The following LRP5 variants were observed in gnomAD, a reference collection of about 807,000 sequenced individuals.
The protein encoded by LRP5 is low-density lipoprotein receptor-related protein 5.
Under a neutral mutation model 154.1 loss-of-function variants are expected in LRP5, and 62 were observed. The ratio of observed to expected loss-of-function variants is 0.40; its 90% CI spans 0.33 to 0.50. The LOEUF (loss-of-function observed/expected upper bound fraction) is 0.50, where lower values mean the gene tolerates loss of function less well. Ranked by LOEUF, LRP5 falls within the 20% of genes least tolerant of loss-of-function variation. LRP5 has a pLI of 0.55. For synonymous variants in LRP5, 966 were observed against 1,011.5 expected (o/e 0.96, Z 0.85); for missense variants, 1,915 against 2,336.7 (o/e 0.82, Z 3.72).
In LRP5 at chr11:68,426,135, C is replaced by T. The variant is rs1295065410; in HGVS notation, c.3585C>T (p.Val1195=). 8 of 1,612,910 alleles carry T rather than the reference C, an allele frequency of 5.0e-6. No individual in the cohort carries two copies. Among genetic ancestry groups the T allele is most frequent in the African/African-American group, 2.7e-5 (2 of 74,934 alleles). ...AGCGGACTCGCATCCAGGGCCGTGT[C>T]GCCCACCTCACTGGCATCCATGCAG... ...GDKRTRIQGR[V]AHLTGIHAVE... is the part of the protein sequence containing the mutation. The change falls in exon 16 of 23, where the codon GTC becomes GTT. Residue 1195 remains valine (V), a synonymous_variant. Coordinates refer to ENST00000294304, the MANE Select transcript of LRP5 (RefSeq NM_002335.4).
chr11:68,413,341 G>T lies in LRP5; in HGVS notation c.2504-348G>T. 1 of 438,050 alleles carries T rather than the reference G, an allele frequency of 2.3e-6. No individual in the cohort carries two copies. 27.1% of individuals were successfully genotyped at this position (438,050 alleles called of 1,614,324 possible). The stretch of plus-strand genomic sequence containing the variant: ...GACTTAAACGCTCCGGATGTTTACT[G>T]AGTGCTTGATTAATAACATGGAAGG... On this transcript the variant is annotated intron_variant, in intron 11 of 22. Transcript: ENST00000294304. This position sits in a 1 kb window ranked among gnomAD's most constrained non-coding sequence, Gnocchi z 5.1.
At chr11:68,337,792 A>G (rs2098606534) in intron 1 of LRP5, among the ~76,000 whole-genome samples, 1 of 151,202 alleles carries the variant, frequency 6.6e-6, no homozygotes. Flanking sequence ...TGGTCCACCA[A>G]CAGCCAGGTG....
At position 68,403,478 on chromosome 11, in the gene LRP5, T is replaced by C. The variant is rs2098653800; in HGVS notation, c.1585-5T>C. On this transcript the variant is annotated splice_region_variant and splice_polypyrimidine_tract_variant and intron_variant, in intron 7 of 22. Transcript: ENST00000294304. ...ATCCAGACCTATATTTCTGCCGTCC[T>C]GCAGGTGATCAATGTTGATGGGACG... 1.2e-6 allele frequency: 2 copies of C among 1,613,676 alleles called. No individual in the cohort carries two copies. Among genetic ancestry groups the C allele is most frequent in the African/African-American group, 1.3e-5 (1 of 74,918 alleles).
At chr11:68,304,233 T>A in the LRP5 span, among the ~76,000 whole-genome samples, 1 of 152,244 alleles carries the variant, frequency 6.6e-6, no homozygotes, top group East Asian at 1.9e-4. Flanking sequence ...GCATCTAGAC[T>A]GTTCCAGCTC....
At chr11:68,332,819 G>A (rs2153120366) in intron 1 of LRP5, among the ~76,000 whole-genome samples, 1 of 152,250 alleles carries the variant, frequency 6.6e-6, no homozygotes, top group South Asian at 2.1e-4. Context: ...GATGTTGGGG[G>A]AATTGGTGGG....
chr11:68,442,966 C>T (rs1396916802), intron 21 of LRP5, among the ~76,000 whole-genome samples: 1 of 152,104 alleles, frequency 6.6e-6, no homozygotes, highest in Non-Finnish European at 1.5e-5. Flanking sequence ...GGCTGGGCCC[C>T]CACTGGAGGG....
chr11:68,428,240 G>A (rs761152148), intron 16 of LRP5, among the ~76,000 whole-genome samples: 4 of 151,802 alleles, frequency 2.6e-5, no homozygotes, highest in Non-Finnish European at 5.9e-5. Flanking sequence ...GGTGATCCAC[G>A]CACCTCGGCC....
chr11:68,400,558 T>A (rs903603088), intron 7 of LRP5, among the ~76,000 whole-genome samples: 2 of 56,058 alleles, frequency 3.6e-5, no homozygotes, highest in African/African-American at 8.5e-5. Flanking sequence ...CCGTCTCTAC[T>A]AAAAATAAAT....
chr11:68,411,735 G>C, intron 11 of LRP5, 115 bp downstream of exon 11: 2 of 1,157,378 alleles, frequency 1.7e-6, no homozygotes, highest in Non-Finnish European at 1.2e-6. Context: ...CCTGGCAGGA[G>C]CTGTGGCCAC....
intron 1 of LRP5, among the ~76,000 whole-genome samples, chr11:68,331,743 C>CTGTG (rs60278908): frequency 4.1e-5 from 6 of 148,146 alleles, no homozygotes; most frequent in African/African-American, 5.0e-5. Flanking sequence ...TTCCTCTGGG[C>CTGTG]TGTGTGTGTG....
intron 1 of LRP5, among the ~76,000 whole-genome samples, chr11:68,318,885 G>C (rs907885383): frequency 5.3e-5 from 8 of 152,148 alleles, no homozygotes; most frequent in Non-Finnish European, 8.8e-5. Context: ...CCTTCTGAGG[G>C]CCTCAGTTTC....
At chr11:68,331,551 G>A (rs536065673) in intron 1 of LRP5, among the ~76,000 whole-genome samples, 35 of 152,238 alleles carry the variant, frequency 2.3e-4, no homozygotes, top group Non-Finnish European at 4.4e-4. Context: ...GTCCTGTTCT[G>A]TGTGCTCCGA....
At position 68,447,336 on chromosome 11, in the gene LRP5, T is replaced by G. The variant is rs1418797743; in HGVS notation, c.4586+803T>G. 6.6e-6 allele frequency among the ~76,000 whole-genome samples: 1 copy of G among 152,186 alleles called. No homozygotes were observed. The highest frequency in any genetic ancestry group is 2.4e-5 in the African/African-American group (1 of 41,448). ...GGCCAGGACACCTCTGGACCACGCA[T>G]TCCTCATTGCTTGGGTCCCTGGAGC... On this transcript the variant is annotated intron_variant, in intron 22 of 22. Coordinates refer to ENST00000294304, the MANE Select transcript of LRP5 (RefSeq NM_002335.4). This position sits in a 1 kb window ranked among gnomAD's most constrained non-coding sequence, Gnocchi z 4.3.
At chr11:68,436,772 A>G in intron 18 of LRP5, 117 bp from the exon 19 acceptor site, 1 of 741,472 alleles carries the variant, frequency 1.3e-6, no homozygotes, top group East Asian at 2.6e-5. Context: ...CGCTGGTCCT[A>G]GAAAGGGTCC....
intron 1 of LRP5, among the ~76,000 whole-genome samples, chr11:68,336,070 C>T (rs753741641): frequency 9.2e-5 from 14 of 152,172 alleles, no homozygotes; most frequent in Non-Finnish European, 1.6e-4. Context: ...AGCAATGACC[C>T]CAAGTAGCAG....
intron 9 of LRP5, among the ~76,000 whole-genome samples, chr11:68,409,076 ATAT>A (rs2098657586): frequency 7.9e-5 from 3 of 38,006 alleles, no homozygotes; most frequent in Non-Finnish European, 1.7e-4. Flanking sequence ...AAAAAAAAAT[ATAT>A]ATATATATAT....
chr11:68,439,804 G>C lies in LRP5; in HGVS notation c.4376G>C (p.Ser1459Thr). ...TGIACGKSMM[S>T]SVSLMGGRGG... ...ATCGCATGCGGAAAGTCCATGATGAGCTCCGTGAGCCTGATGGGGGGCCGG... is the reference window on the plus strand; with the variant it reads ...ATCGCATGCGGAAAGTCCATGATGACCTCCGTGAGCCTGATGGGGGGCCGG... Residue 1459 changes from serine (S) to threonine (T), a missense_variant, in exon 21 of 23, where the codon AGC becomes ACC. Ser to Thr is a moderately conservative substitution (Grantham distance 58, BLOSUM62 1). Transcript: ENST00000294304. 6.2e-7 allele frequency: 1 copy of C among 1,611,838 alleles called. No individual in the cohort carries two copies. The highest frequency in any genetic ancestry group is 1.7e-5 in the Admixed American group (1 of 59,894).
intron 1 of LRP5, among the ~76,000 whole-genome samples, chr11:68,313,031 C>G (rs2098589736): frequency 6.8e-6 from 1 of 147,902 alleles, no homozygotes; most frequent in Admixed American, 6.7e-5. Context: ...GCGTCCCGGG[C>G]TGGCGAGGAG....
At chr11:68,395,427 G>C (rs1010286710) in intron 7 of LRP5, among the ~76,000 whole-genome samples, 1 of 152,024 alleles carries the variant, frequency 6.6e-6, no homozygotes, top group African/African-American at 2.4e-5. Flanking sequence ...ATTACCTGAC[G>C]ATTTGGAGCT....
Sources: allele counts gnomAD v4.1 joint callset (sites outside exome capture counted in the v4.1 genomes callset), GRCh38; gene constraint gnomAD v4.1.1; non-coding constraint Gnocchi (gnomAD v3.1); transcripts MANE v1.5; gene names NCBI Gene and HGNC (gene_info 2026-07-23, HGNC 2026-07-21).